Variants in LPIN3 observed in about 807,000 individuals in gnomAD.
LPIN3 encodes lipin 3, also known as phosphatidate phosphatase LPIN3.
In LPIN3, 82 loss-of-function variants were observed where a neutral mutation model predicts 94.7. The ratio of observed to expected loss-of-function variants is 0.87; its 90% CI spans 0.72 to 1.04. The LOEUF (loss-of-function observed/expected upper bound fraction) is 1.04, where lower values mean the gene tolerates loss of function less well. LPIN3 is among the 50% of genes least tolerant of loss of function. The pLI, the probability that LPIN3 is intolerant of heterozygous loss-of-function variation, is 0.00. For synonymous variants in LPIN3, 418 were observed against 443.3 expected, an observed-to-expected ratio of 0.94 and a Z score of 0.72; for missense variants, 996 against 1,090.5, an observed-to-expected ratio of 0.91 and a Z score of 1.22.
At chr20:41,344,605 G>A (rs907758869) in intron 1 of LPIN3, among the ~76,000 whole-genome samples, 1 of 152,228 alleles carries the variant, frequency 6.6e-6, no homozygotes, top group Non-Finnish European at 1.5e-5. Flanking sequence ...TGAAGCTGCT[G>A]GGGCAGGCAC....
intron 9 of LPIN3, 52 bp downstream of exon 9, chr20:41,352,272 G>A (rs1470392534): frequency 6.3e-7 from 1 of 1,598,670 alleles, no homozygotes; most frequent in African/African-American, 1.3e-5. Context: ...GAGCCCAGAG[G>A]ATGGGGAGGG....
At chr20:41,352,505 C>T in intron 9 of LPIN3, 101 bp from the exon 10 acceptor site, 2 of 1,092,280 alleles carry the variant, frequency 1.8e-6, no homozygotes, top group Non-Finnish European at 1.4e-6. Flanking sequence ...ACAAAGCCAA[C>T]CGACAGGAGG....
rs765998182 is a variant in LPIN3, at chr20:41,358,549, C to T, written c.2411+7C>T. 23 of 1,613,696 alleles carry T rather than the reference C, an allele frequency of 1.4e-5. No individual in the cohort carries two copies. The South Asian group carries it at 2.5e-4, about 18-fold the overall frequency. On this transcript the variant is annotated splice_region_variant and intron_variant, in intron 19 of 19. Coordinates refer to ENST00000373257, the MANE Select transcript of LPIN3 (RefSeq NM_022896.3). The stretch of plus-strand genomic sequence containing the variant: ...TAAAGAACCACAAATCCACGTGAGG[C>T]TAAACCCTGCCATGTTCCCCATGCC...
At chr20:41,348,935 C>T in intron 4 of LPIN3, 48 bp downstream of exon 4, 1 of 1,588,104 alleles carries the variant, frequency 6.3e-7, no homozygotes, top group Non-Finnish European at 8.6e-7. Flanking sequence ...GGTTCAAGTG[C>T]TGTTTCCTCT....
chr20:41,347,274 C>T (rs2045814617), intron 2 of LPIN3, among the ~76,000 whole-genome samples: 1 of 152,146 alleles, frequency 6.6e-6, no homozygotes, highest in Non-Finnish European at 1.5e-5. Flanking sequence ...CACAAGAAGA[C>T]CGAGACAGTG....
intron 5 of LPIN3, 23 bp from the exon 6 acceptor site, chr20:41,349,751 G>C (rs767304290): frequency 5.0e-6 from 8 of 1,601,756 alleles, no homozygotes; most frequent in Admixed American, 1.7e-5. Context: ...CAGGCTCAAG[G>C]CCTCTCAATA....
At chr20:41,353,489 G>A (rs1381737131) in intron 11 of LPIN3, among the ~76,000 whole-genome samples, 1 of 152,214 alleles carries the variant, frequency 6.6e-6, no homozygotes, top group African/African-American at 2.4e-5. Flanking sequence ...CTATGGCAAG[G>A]GGGTTTGATA....
intron 11 of LPIN3, among the ~76,000 whole-genome samples, chr20:41,354,034 T>G (rs1483136036): frequency 6.6e-6 from 1 of 152,212 alleles, no homozygotes; most frequent in Admixed American, 6.5e-5. Context: ...CACATCCTCC[T>G]GACTTGGGTC....
intron 11 of LPIN3, among the ~76,000 whole-genome samples, chr20:41,353,996 G>C (rs1393667265): frequency 1.3e-5 from 2 of 152,294 alleles, no homozygotes; most frequent in African/African-American, 4.8e-5. Flanking sequence ...AGCTCAAGGG[G>C]GCCCCCTGGC....
Position 41,345,909 on chromosome 20 carries a change from G to A in LPIN3, c.106G>A (p.Val36Met), listed in dbSNP as rs765836868. 4 of 1,614,110 alleles carry A rather than the reference G, an allele frequency of 2.5e-6. No individual in the cohort carries two copies. The South Asian group carries it at 3.3e-5, about 13-fold the overall frequency. Residue 36 changes from valine to methionine, a missense_variant, in exon 2 of 20, where the codon GTG (valine) becomes ATG (methionine). Coordinates refer to ENST00000373257, the MANE Select transcript of LPIN3 (RefSeq NM_022896.3). ...TLSGGIDVLVVKQVDGSFRCS... is the reference protein window; with the variant it reads ...TLSGGIDVLVMKQVDGSFRCS... ...GAGCGGCGGCATTGACGTGCTGGTGGTGAAGCAGGTGGACGGCTCGTTCCG... is the reference window on the plus strand; with the variant it reads ...GAGCGGCGGCATTGACGTGCTGGTGATGAAGCAGGTGGACGGCTCGTTCCG...
Position 41,348,827 on chromosome 20 carries a change from T to A in LPIN3, c.497T>A (p.Leu166Gln). 6.2e-7 allele frequency: 1 copy of A among 1,611,102 alleles called. No individual in the cohort carries two copies. Among genetic ancestry groups the A allele is most frequent in the Non-Finnish European group, 8.5e-7 (1 of 1,178,722 alleles). The stretch of plus-strand genomic sequence containing the variant: ...GCAACTGATTCTAGTCCAGAGGAAC[T>A]GGAGGCAGGCGCTGAGAGTGAGCTA... ...AVATDSSPEE[L>Q]EAGAESELSL... is the part of the protein sequence containing the mutation. The change falls in exon 4 of 20, where the codon CTG (leucine) becomes CAG (glutamine). Residue 166 changes from leucine (L) to glutamine (Q), a missense_variant. By Grantham distance (113) the Leu-to-Gln change is moderately radical. Transcript: ENST00000373257.
intron 5 of LPIN3, 135 bp from the exon 6 acceptor site, chr20:41,349,639 C>T (rs2045926335): frequency 9.2e-7 from 1 of 1,087,664 alleles, no homozygotes; most frequent in Non-Finnish European, 1.3e-6. Context: ...CTCTTTAGAT[C>T]TTTACATATT....
At chr20:41,356,610 C>T (rs548405791) in intron 14 of LPIN3, among the ~76,000 whole-genome samples, 2 of 152,292 alleles carry the variant, frequency 1.3e-5, no homozygotes, top group South Asian at 2.1e-4. Flanking sequence ...GGTTAGGCCT[C>T]TCCTTAGGAC....
chr20:41,352,514 G>A (rs1035665764), intron 9 of LPIN3, 92 bp from the exon 10 acceptor site: 3 of 1,158,982 alleles, frequency 2.6e-6, no homozygotes, highest in South Asian at 1.3e-5. Context: ...ACCGACAGGA[G>A]GTGAGCAGCA....
At chr20:41,351,683 C>A in intron 7 of LPIN3, 138 bp from the exon 8 acceptor site, 3 of 685,178 alleles carry the variant, frequency 4.4e-6, no homozygotes, top group Admixed American at 5.3e-5. Context: ...TCAGGCAGTG[C>A]AGACATGGGA....
At chr20:41,353,012 G>A (rs2046083350) in intron 11 of LPIN3, 145 bp downstream of exon 11, 1 of 866,472 alleles carries the variant, frequency 1.2e-6, no homozygotes, top group Non-Finnish European at 1.9e-6. Flanking sequence ...TCTGGGAGAG[G>A]CGACACACGT....
chr20:41,352,554 C>T (rs527984977), intron 9 of LPIN3, 52 bp from the exon 10 acceptor site: 33 of 1,493,068 alleles, frequency 2.2e-5, no homozygotes, highest in African/African-American at 6.9e-5. Flanking sequence ...GCTGGGGCAG[C>T]GGGTCACATG....
intron 14 of LPIN3, 137 bp downstream of exon 14, chr20:41,356,171 C>T: frequency 1.6e-6 from 2 of 1,269,294 alleles, no homozygotes; most frequent in East Asian, 2.5e-5. Context: ...CCTTGGGAGC[C>T]TCCCTGATGG....
chr20:41,344,427 G>T (rs1427549352), intron 1 of LPIN3, among the ~76,000 whole-genome samples: 1 of 152,254 alleles, frequency 6.6e-6, no homozygotes, highest in Non-Finnish European at 1.5e-5. Context: ...CCTTGGGTAA[G>T]TCACTTAGCT....
Sources: gnomAD v4.1 joint callset for allele counts (sites outside exome capture counted in the v4.1 genomes callset) on GRCh38, gnomAD v4.1.1 for gene constraint, MANE v1.5 for transcripts, NCBI Gene and HGNC (gene_info 2026-07-23, HGNC 2026-07-21) for gene names.